The following CTNNA2 variants were observed in gnomAD, a reference collection of about 807,000 sequenced individuals.
The protein encoded by CTNNA2 is catenin alpha-2.
CTNNA2 carries 42 observed loss-of-function variants against 101.0 expected under a neutral mutation model. The ratio of observed to expected loss-of-function variants is 0.42; its 90% confidence interval spans 0.32 to 0.54. The LOEUF is 0.54. Among genes scored for constraint, CTNNA2 ranks in the 20% least tolerant of loss-of-function variants. CTNNA2 has a pLI of 0.14. For synonymous variants in CTNNA2, 450 were observed against 456.4 expected, an observed-to-expected ratio of 0.99 and a Z score of 0.18; for missense variants, 871 against 1,223.1, an observed-to-expected ratio of 0.71 and a Z score of 4.29.
chr2:79,455,136 A>G (rs977959523), intron 4 of CTNNA2, among the ~76,000 whole-genome samples: 15 of 152,222 alleles, frequency 9.9e-5, no homozygotes, highest in African/African-American at 3.4e-4. Flanking sequence ...AAAAATGACT[A>G]TGCTCATCAT....
chr2:79,798,166 C>A (rs1156448427), intron 3 of CTNNA2, among the ~76,000 whole-genome samples: 1 of 152,180 alleles, frequency 6.6e-6, no homozygotes, highest in Non-Finnish European at 1.5e-5. Context: ...TGTATTTTAA[C>A]TGGATATTCC....
At chr2:79,632,732 A>C (rs577250467) in intron 1 of CTNNA2, among the ~76,000 whole-genome samples, 1 of 152,228 alleles carries the variant, frequency 6.6e-6, no homozygotes, top group Admixed American at 6.5e-5. Flanking sequence ...ATTACTTCAC[A>C]ATGATTGGGG....
chr2:80,643,108 AATT>A (rs892516780), intron 18 of CTNNA2, among the ~76,000 whole-genome samples: 1 of 152,172 alleles, frequency 6.6e-6, no homozygotes, highest in African/African-American at 2.4e-5. Context: ...GAATCATAAT[AATT>A]AGCAGAAGTC....
intron 2 of CTNNA2, among the ~76,000 whole-genome samples, chr2:79,215,647 T>A (rs1674245444): frequency 6.6e-6 from 1 of 152,096 alleles, no homozygotes; most frequent in African/African-American, 2.4e-5. Context: ...GGCTGGGTTT[T>A]TATATTTGAT....
chr2:80,598,104 C>T (rs548034014), intron 15 of CTNNA2, among the ~76,000 whole-genome samples: 1 of 152,256 alleles, frequency 6.6e-6, no homozygotes, highest in East Asian at 1.9e-4. Flanking sequence ...AGCACATATA[C>T]ACCATGGAAT....
At chr2:79,614,785 G>A (rs1573481188) in intron 1 of CTNNA2, among the ~76,000 whole-genome samples, 1 of 152,130 alleles carries the variant, frequency 6.6e-6, no homozygotes, top group South Asian at 2.1e-4. Flanking sequence ...CTGTAGCATG[G>A]TTGATTGAAA....
At chr2:79,658,806 G>A (rs915378845) in intron 2 of CTNNA2, among the ~76,000 whole-genome samples, 2 of 151,974 alleles carry the variant, frequency 1.3e-5, no homozygotes, top group Non-Finnish European at 2.9e-5. Context: ...CTCCTAAGAA[G>A]AGGAGCTCTC....
chr2:80,316,759 C>T (rs1437162790), intron 7 of CTNNA2, among the ~76,000 whole-genome samples: 1 of 152,140 alleles, frequency 6.6e-6, no homozygotes, highest in African/African-American at 2.4e-5. Context: ...CTGTTCTTGT[C>T]AATCAGTTAG....
At chr2:79,840,760 A>C (rs2974180) in intron 3 of CTNNA2, among the ~76,000 whole-genome samples, 94,277 of 142,748 alleles carry the variant, frequency 0.66, 31,142 homozygotes, top group African/African-American at 0.86. Flanking sequence ...CAGCGAGACT[A>C]CCTCTCTTTT....
chr2:79,852,264 A>T (rs755423157), intron 3 of CTNNA2, among the ~76,000 whole-genome samples: 26 of 152,204 alleles, frequency 1.7e-4, no homozygotes, highest in Non-Finnish European at 1.3e-4. Flanking sequence ...GGTTATTAAG[A>T]TGTGAATGCT....
intron 7 of CTNNA2, among the ~76,000 whole-genome samples, chr2:80,367,006 C>CCT (rs1559048702): frequency 0.012 from 1,432 of 120,448 alleles, 32 homozygotes; most frequent in African/African-American, 0.057. Context: ...CAAATGGTTG[C>CCT]ATTTTTTTTT....
intron 7 of CTNNA2, among the ~76,000 whole-genome samples, chr2:80,184,323 TTAAG>T (rs1171529079): frequency 6.6e-6 from 1 of 152,130 alleles, no homozygotes; most frequent in Non-Finnish European, 1.5e-5. Context: ...TATATATTCA[TTAAG>T]TGTGATAAAG....
intron 2 of CTNNA2, among the ~76,000 whole-genome samples, chr2:79,293,936 C>T (rs745797483): frequency 7.2e-5 from 11 of 152,024 alleles, no homozygotes; most frequent in South Asian, 2.1e-4. Context: ...ATCTATAAAA[C>T]GAGAATAATA....
intron 6 of CTNNA2, among the ~76,000 whole-genome samples, chr2:79,880,317 T>C (rs1321123954): frequency 6.6e-6 from 1 of 152,186 alleles, no homozygotes; most frequent in African/African-American, 2.4e-5. Context: ...AGTATCAAGA[T>C]GATGCGGGCT....
At chr2:80,510,052 A>G (rs1266960640) in intron 9 of CTNNA2, among the ~76,000 whole-genome samples, 1 of 152,182 alleles carries the variant, frequency 6.6e-6, no homozygotes, top group Admixed American at 6.5e-5. Flanking sequence ...TGTTCTATTA[A>G]TTTTAGTAGC....
At chr2:79,940,075 CCAAACCAAAACCAAAA>C (rs1688051925) in intron 7 of CTNNA2, among the ~76,000 whole-genome samples, 1 of 151,976 alleles carries the variant, frequency 6.6e-6, no homozygotes, top group African/African-American at 2.4e-5. Flanking sequence ...CAAAACCAAA[CCAAACCAAAACCAAAA>C]CAAACAAAAA....
chr2:80,150,775 C>T (rs923344723), intron 7 of CTNNA2, among the ~76,000 whole-genome samples: 18 of 152,148 alleles, frequency 1.2e-4, no homozygotes, highest in African/African-American at 3.6e-4. Context: ...CTGTTTTCCC[C>T]GTGTGGTTTC....
At chr2:79,233,685 T>C (rs1674523474) in intron 2 of CTNNA2, among the ~76,000 whole-genome samples, 1 of 152,116 alleles carries the variant, frequency 6.6e-6, no homozygotes, top group Admixed American at 6.6e-5. Context: ...TGGCTAAGTT[T>C]TTTTATAAGT....
intron 3 of CTNNA2, among the ~76,000 whole-genome samples, chr2:79,835,570 C>A (rs780048585): frequency 2.7e-5 from 4 of 150,548 alleles, no homozygotes; most frequent in Non-Finnish European, 4.4e-5. Context: ...GCAGAGCTGA[C>A]AGATGTCTTC....
Sources: gnomAD v4.1 joint callset for allele counts (sites outside exome capture counted in the v4.1 genomes callset) on GRCh38, gnomAD v4.1.1 for gene constraint, MANE v1.5 for transcripts, NCBI Gene and HGNC (gene_info 2026-07-23, HGNC 2026-07-21) for gene names.